KLHL2: variants seen among roughly 807,000 people sequenced by gnomAD.
KLHL2 encodes kelch like family member 2, also known as kelch-like protein 2.
In KLHL2, 15 loss-of-function variants were observed where a neutral mutation model predicts 75.8. The ratio of observed to expected loss-of-function variants is 0.20; its 90% CI spans 0.13 to 0.30. The LOEUF is 0.30. Among genes scored for constraint, KLHL2 ranks in the 10% least tolerant of loss-of-function variants. KLHL2 has a pLI of 1.00. For synonymous variants in KLHL2, 214 were observed against 251.9 expected (o/e 0.85, Z 1.42); for missense variants, 381 against 741.0 (o/e 0.51, Z 5.64).
intron 4 of KLHL2, among the ~76,000 whole-genome samples, chr4:165,242,350 T>C (rs1426772742): frequency 6.6e-6 from 1 of 152,210 alleles, no homozygotes; most frequent in Non-Finnish European, 1.5e-5. Context: ...GATGAAAAAC[T>C]GTCAACCCTT....
chr4:165,207,790 G>A lies in KLHL2; in HGVS notation c.-87G>A, dbSNP rs1736926568. 2 of 1,218,708 alleles carry A rather than the reference G, an allele frequency of 1.6e-6. No homozygotes were observed. The highest frequency in any genetic ancestry group is 3.8e-5 in the East Asian group (1 of 26,382). 75.5% of individuals were successfully genotyped at this position (1,218,708 alleles called of 1,614,324 possible). A position where few individuals can be genotyped will look rare whatever the true frequency, so the allele number is the denominator to read the frequency against. ...TCCGGGGCGGATGGAACGCGGCTCG[G>A]CGGGCGGGCAGTGCCGGCGTCCGCG... On this transcript the variant is annotated 5_prime_UTR_variant, in exon 1 of 15. Transcript: ENST00000226725. This position sits in a 1 kb window ranked among gnomAD's most constrained non-coding sequence, Gnocchi z 4.2.
rs779733966 is a variant in KLHL2 at position 165,288,417 on chromosome 4, C to T, written c.545-5942C>T. On this transcript the variant is annotated intron_variant, in intron 5 of 14. Coordinates refer to ENST00000226725, the MANE Select transcript of KLHL2 (RefSeq NM_007246.4). ...AAGATAATCACTATTATTAGTTTCT[C>T]GGTTTTGTTTTGTTTTCTTGCATGG... is the stretch of plus-strand genomic sequence containing the variant. 4.6e-5 allele frequency among the ~76,000 whole-genome samples: 7 copies of T among 152,070 alleles called. No individual in the cohort carries two copies. The East Asian group carries it at 5.8e-4, about 13-fold the overall frequency.
intron 14 of KLHL2, 41 bp from the exon 15 acceptor site, chr4:165,321,991 T>G: frequency 1.3e-6 from 2 of 1,597,098 alleles, no homozygotes; most frequent in Admixed American, 3.3e-5. Flanking sequence ...TACAGAGTGC[T>G]GCCTGTGACT....
chr4:165,212,289 A>G (rs1737244301), intron 1 of KLHL2, among the ~76,000 whole-genome samples: 2 of 152,176 alleles, frequency 1.3e-5, no homozygotes, highest in African/African-American at 2.4e-5. Context: ...AGAGAATAAT[A>G]AGAATAATAG....
chr4:165,302,346 T>G (rs932348763), intron 8 of KLHL2, among the ~76,000 whole-genome samples: 1 of 152,236 alleles, frequency 6.6e-6, no homozygotes, highest in Admixed American at 6.5e-5. Flanking sequence ...AAGATTAATT[T>G]CTTATGCTTA....
At chr4:165,262,114 G>A (rs1486048744) in intron 4 of KLHL2, among the ~76,000 whole-genome samples, 2 of 152,034 alleles carry the variant, frequency 1.3e-5, no homozygotes, top group Admixed American at 6.5e-5. Flanking sequence ...AAGGAAAAAT[G>A]TTTTTCTATT....
intron 1 of KLHL2, among the ~76,000 whole-genome samples, chr4:165,214,365 A>C (rs953287777): frequency 1.3e-5 from 2 of 152,296 alleles, no homozygotes; most frequent in Non-Finnish European, 2.9e-5. Flanking sequence ...TTATTTATAA[A>C]ATATTCCTTA....
At chr4:165,291,561 A>T (rs1003487345) in intron 5 of KLHL2, among the ~76,000 whole-genome samples, 22 of 152,176 alleles carry the variant, frequency 1.4e-4, no homozygotes, top group African/African-American at 5.3e-4. Context: ...CAGTTGTTGC[A>T]ACATCATTTG....
At chr4:165,210,503 G>A (rs1314128649) in intron 1 of KLHL2, among the ~76,000 whole-genome samples, 2 of 152,042 alleles carry the variant, frequency 1.3e-5, no homozygotes, top group African/African-American at 4.8e-5. Flanking sequence ...CTATATATTT[G>A]TGCTTATTGT....
chr4:165,299,647 C>T lies in KLHL2; in HGVS notation c.912C>T (p.Asn304=), dbSNP rs565411950. 80 of 1,604,930 alleles carry T rather than the reference C, an allele frequency of 5.0e-5. 2 individuals are homozygous for T. In the South Asian group the frequency reaches 8.8e-4, roughly 18 times the overall value. ...GGACCCGGCTGAGGACACCCATGAA[C>T]CTTCCCAAAGTAGGATCTGTTTCTC... ...SVRTRLRTPM[N]LPKLMVVVGG... is the part of the protein sequence containing the mutation. Residue 304 remains asparagine, a synonymous_variant, in exon 8 of 15, where the codon AAC becomes AAT. Transcript: ENST00000226725.
chr4:165,321,206 T>A (rs2126598845), intron 14 of KLHL2: 1 of 453,448 alleles, frequency 2.2e-6, no homozygotes, highest in South Asian at 1.6e-5. Context: ...CAAGTGTGTC[T>A]GCCTCTCCTG....
intron 11 of KLHL2, among the ~76,000 whole-genome samples, chr4:165,312,894 CTAAGA>C (rs1746310537): frequency 6.6e-6 from 1 of 152,092 alleles, no homozygotes; most frequent in Admixed American, 6.5e-5. Context: ...TTCCGATTTC[CTAAGA>C]TAACTTTGGT....
At position 165,263,254 on chromosome 4, in the gene KLHL2, G is replaced by A. The variant is rs2111233815; in HGVS notation, c.439G>A (p.Glu147Lys). The change falls in exon 5 of 15, where the codon GAA becomes AAA. Residue 147 changes from glutamate to lysine, a missense_variant. By Grantham distance (56) the Glu-to-Lys change is moderately conservative (BLOSUM62 1). Coordinates refer to ENST00000226725, the MANE Select transcript of KLHL2 (RefSeq NM_007246.4). ...QLQDVKKTCC[E>K]FLESQLHPVN... The stretch of plus-strand genomic sequence containing the variant: ...ACAGGATGTGAAGAAGACTTGTTGT[G>A]AATTTTTGGAATCCCAGCTTCACCC... 6.2e-7 allele frequency: 1 copy of A among 1,614,066 alleles called. No individual in the cohort carries two copies. Among genetic ancestry groups the A allele is most frequent in the Non-Finnish European group, 8.5e-7 (1 of 1,179,966 alleles).
At chr4:165,235,602 GTTATACA>G (rs1739278298) in intron 3 of KLHL2, among the ~76,000 whole-genome samples, 1 of 152,200 alleles carries the variant, frequency 6.6e-6, no homozygotes, top group East Asian at 1.9e-4. Flanking sequence ...TGTCAGACAT[GTTATACA>G]GAGATAAGAA....
At chr4:165,284,176 C>CA (rs1743910209) in intron 5 of KLHL2, among the ~76,000 whole-genome samples, 1 of 152,216 alleles carries the variant, frequency 6.6e-6, no homozygotes. Context: ...TGGTGATTAA[C>CA]AGTCAGTTCC....
At chr4:165,263,459 T>G in intron 5 of KLHL2, 100 bp downstream of exon 5, 1 of 1,510,996 alleles carries the variant, frequency 6.6e-7, no homozygotes, top group South Asian at 1.3e-5. Flanking sequence ...TTTCTGGATC[T>G]GGGCTTTATA....
chr4:165,279,035 C>T (rs1266178045), intron 5 of KLHL2: 7 of 1,505,740 alleles, frequency 4.6e-6, no homozygotes, highest in Non-Finnish European at 6.5e-6. Context: ...AAGCATAGTC[C>T]TACTTGCATT....
chr4:165,295,306 A>C (rs1275496293), intron 6 of KLHL2, among the ~76,000 whole-genome samples: 3 of 152,166 alleles, frequency 2.0e-5, no homozygotes, highest in African/African-American at 7.2e-5. Flanking sequence ...AAGGCTATTC[A>C]TTTCACCTGG....
chr4:165,242,796 C>T (rs1460585960), intron 4 of KLHL2, among the ~76,000 whole-genome samples: 1 of 152,028 alleles, frequency 6.6e-6, no homozygotes, highest in East Asian at 1.9e-4. Context: ...CACTCCTGGC[C>T]AAGAATACTT....
Sources: allele counts gnomAD v4.1 joint callset (sites outside exome capture counted in the v4.1 genomes callset), GRCh38; gene constraint gnomAD v4.1.1; non-coding constraint Gnocchi (gnomAD v3.1); transcripts MANE v1.5; gene names NCBI Gene and HGNC (gene_info 2026-07-23, HGNC 2026-07-21).